The following CREB3L2 variants were observed in gnomAD, a reference collection of about 807,000 sequenced individuals.
CREB3L2 encodes the protein cAMP responsive element binding protein 3 like 2.
Under a neutral mutation model 57.2 loss-of-function variants are expected in CREB3L2, and 23 were observed. The ratio of observed to expected loss-of-function variants is 0.40; its 90% CI spans 0.29 to 0.57. The LOEUF is 0.57. Ranked by LOEUF, CREB3L2 falls within the 20% of genes least tolerant of loss-of-function variation. The probability of loss-of-function intolerance (pLI) is 0.42; values close to 1 mark genes in which losing one functional copy is unlikely to be tolerated. For missense variants in CREB3L2, 628 were observed against 634.7 expected, an observed-to-expected ratio of 0.99 and a Z score of 0.11; for synonymous variants, 268 against 265.1, an observed-to-expected ratio of 1.01 and a Z score of -0.11.
intron 1 of CREB3L2, among the ~76,000 whole-genome samples, chr7:137,963,280 A>G (rs935242547): frequency 6.6e-6 from 1 of 152,162 alleles, no homozygotes; most frequent in East Asian, 1.9e-4. Context: ...CCCTGTTCCC[A>G]CTTAGTCAGC....
chr7:137,919,397 C>T (rs995336174), intron 2 of CREB3L2, among the ~76,000 whole-genome samples: 1 of 152,142 alleles, frequency 6.6e-6, no homozygotes, highest in African/African-American at 2.4e-5. Flanking sequence ...GTCTCAAACT[C>T]CTGACCTCAG....
chr7:137,919,686 T>G (rs1036026446), intron 2 of CREB3L2, among the ~76,000 whole-genome samples: 1 of 152,148 alleles, frequency 6.6e-6, no homozygotes, highest in African/African-American at 2.4e-5. Context: ...AAGAGAAAGG[T>G]TAAGTCAATT....
At chr7:137,905,090 C>G (rs993614237) in intron 6 of CREB3L2, among the ~76,000 whole-genome samples, 1 of 151,850 alleles carries the variant, frequency 6.6e-6, no homozygotes, top group Non-Finnish European at 1.5e-5. Flanking sequence ...TGCCCCCTCC[C>G]TCCTGGTAGG....
chr7:137,985,863 A>C (rs77658660), intron 1 of CREB3L2, among the ~76,000 whole-genome samples: 1 of 152,354 alleles, frequency 6.6e-6, no homozygotes, highest in Non-Finnish European at 1.5e-5. Flanking sequence ...GTAAGAACTG[A>C]AGAAATATTT....
Position 137,880,387 on chromosome 7 carries a change from C to T in CREB3L2, c.*89G>A. On this transcript the variant is annotated 3_prime_UTR_variant, in exon 12 of 12. Transcript: ENST00000330387. This position sits in a 1 kb window ranked among gnomAD's most constrained non-coding sequence, Gnocchi z 4.0. ...GCTTGCCCATGTCTCCATGAAGATC[C>T]AGTGGCAAAGAGGAAAAGCTGATGA... The T allele has an allele frequency of 9.5e-7, 1 of 1,057,132 alleles. No homozygotes were observed. Among genetic ancestry groups the T allele is most frequent in the Non-Finnish European group, 1.4e-6 (1 of 693,678 alleles). 65.5% of individuals were successfully genotyped at this position (1,057,132 alleles called of 1,614,324 possible).
chr7:137,992,204 C>T lies in CREB3L2; in HGVS notation c.102+9400G>A, dbSNP rs115355105. On this transcript the variant is annotated intron_variant, in intron 1 of 11. Transcript: ENST00000330387. The stretch of plus-strand genomic sequence containing the variant: ...ATATGGTACGTGATCTAAGAAGTTA[C>T]GTCTCACTTTTGAATTGACCTTCCA... Among the ~76,000 whole-genome samples the T allele has an allele frequency of 5.1e-3, 772 of 152,252 alleles. 7 individuals are homozygous for T. The highest frequency in any genetic ancestry group is 0.017 in the African/African-American group (725 of 41,526).
At chr7:137,894,019 C>T (rs1342933163) in intron 8 of CREB3L2, among the ~76,000 whole-genome samples, 1 of 152,192 alleles carries the variant, frequency 6.6e-6, no homozygotes, top group Non-Finnish European at 1.5e-5. Flanking sequence ...TGCTCCACAC[C>T]GTTGGAGAGA....
chr7:137,925,527 C>G (rs1203842541), intron 2 of CREB3L2, among the ~76,000 whole-genome samples: 1 of 152,070 alleles, frequency 6.6e-6, no homozygotes, highest in Non-Finnish European at 1.5e-5. Flanking sequence ...TAAAAATAAC[C>G]ATCCTTCTCC....
chr7:137,926,626 G>T (rs970173725), intron 2 of CREB3L2, among the ~76,000 whole-genome samples: 14 of 152,094 alleles, frequency 9.2e-5, no homozygotes, highest in African/African-American at 3.1e-4. Flanking sequence ...ATCCCTACAT[G>T]ATGGGTTGAT....
chr7:137,968,858 A>G (rs930950794), intron 1 of CREB3L2, among the ~76,000 whole-genome samples: 7 of 152,218 alleles, frequency 4.6e-5, no homozygotes, highest in Non-Finnish European at 1.5e-5. Flanking sequence ...CAATTACAGC[A>G]CATAAGAACA....
At chr7:137,903,668 G>T (rs554967389) in intron 7 of CREB3L2, among the ~76,000 whole-genome samples, 1 of 152,320 alleles carries the variant, frequency 6.6e-6, no homozygotes, top group East Asian at 1.9e-4. Context: ...GAATGTGCAG[G>T]AATGTTAATA....
intron 1 of CREB3L2, among the ~76,000 whole-genome samples, chr7:137,987,877 G>A (rs540204810): frequency 7.5e-4 from 114 of 152,088 alleles, no homozygotes; most frequent in Non-Finnish European, 1.4e-3. Flanking sequence ...TTTGTAACAC[G>A]GGTGGTTCAA....
In CREB3L2 at chr7:137,885,797, C is replaced by T. The variant is rs377030533; in HGVS notation, c.1044-295G>A. On this transcript the variant is annotated intron_variant, in intron 8 of 11. Coordinates refer to ENST00000330387, the MANE Select transcript of CREB3L2 (RefSeq NM_194071.4). The stretch of plus-strand genomic sequence containing the variant: ...TGACAGGCTGTGGCTTGTTTCTCAG[C>T]GATTGAGAACAAAGGAAAAGGAACA... Among the ~76,000 whole-genome samples, 15 of 152,128 alleles carry T rather than the reference C, an allele frequency of 9.9e-5. 1 individual carries two copies. The highest frequency in any genetic ancestry group is 1.5e-4 in the Non-Finnish European group (10 of 68,020).
chr7:137,927,526 T>C (rs1013267816), intron 2 of CREB3L2, among the ~76,000 whole-genome samples: 20 of 151,574 alleles, frequency 1.3e-4, no homozygotes, highest in African/African-American at 4.6e-4. Flanking sequence ...CTTGGAGAGT[T>C]TGGAACAAGA....
intron 6 of CREB3L2, 138 bp downstream of exon 6, chr7:137,905,564 G>T: frequency 1.1e-6 from 1 of 921,158 alleles, no homozygotes; most frequent in Non-Finnish European, 1.7e-6. Context: ...TCCTCCCAGG[G>T]CTTAGGGAAG....
intron 1 of CREB3L2, among the ~76,000 whole-genome samples, chr7:137,966,762 G>A (rs1471697023): frequency 6.6e-6 from 1 of 152,202 alleles, no homozygotes; most frequent in Non-Finnish European, 1.5e-5. Context: ...CTAGAACTGT[G>A]CTTCTGAATC....
chr7:137,952,725 C>T (rs1007827379), intron 1 of CREB3L2, among the ~76,000 whole-genome samples: 3 of 152,174 alleles, frequency 2.0e-5, no homozygotes, highest in African/African-American at 7.2e-5. Flanking sequence ...TTCCTGATTC[C>T]TCTTTCTCCT....
In CREB3L2 at chr7:137,972,055, TA is replaced by T. The variant is rs566891732; in HGVS notation, c.102+29548del. The stretch of plus-strand genomic sequence containing the variant: ...AATAGCTATGTAAAAGAAGTATTCA[TA>T]AAAAAAATCTGAACTCTAACACAAG... On this transcript the variant is annotated intron_variant, in intron 1 of 11. Transcript: ENST00000330387. 2.8e-3 allele frequency among the ~76,000 whole-genome samples: 428 copies of T among 152,106 alleles called. 1 individual carries two copies. The highest frequency in any genetic ancestry group is 9.2e-3 in the African/African-American group (383 of 41,504).
intron 1 of CREB3L2, chr7:137,955,423 C>T (rs1801189772): frequency 1.4e-5 from 9 of 641,550 alleles, no homozygotes; most frequent in Non-Finnish European, 2.2e-5. Flanking sequence ...TCCCCTTAAT[C>T]CCCACACGCC....
Sources: allele counts gnomAD v4.1 joint callset (sites outside exome capture counted in the v4.1 genomes callset), GRCh38; gene constraint gnomAD v4.1.1; non-coding constraint Gnocchi (gnomAD v3.1); transcripts MANE v1.5; gene names NCBI Gene and HGNC (gene_info 2026-07-23, HGNC 2026-07-21).